TMEM165: variants seen among roughly 807,000 people sequenced by gnomAD.
TMEM165 encodes the protein putative divalent cation/proton antiporter TMEM165.
TMEM165 carries 19 observed loss-of-function variants against 30.0 expected under a neutral mutation model. The observed-to-expected ratio is 0.63, with a 90% CI of 0.44 to 0.93. The LOEUF is 0.93. Among genes scored for constraint, TMEM165 ranks in the 40% least tolerant of loss-of-function variants. TMEM165 has a pLI of 0.00. For synonymous variants in TMEM165, 168 were observed against 162.9 expected (o/e 1.03, Z -0.24); for missense variants, 340 against 417.0 (o/e 0.82, Z 1.61).
rs1170553669 is a variant in TMEM165 at position 55,404,044 on chromosome 4, CCTT to C, written c.208-7569_208-7567del. On this transcript the variant is annotated intron_variant, in intron 1 of 5. Transcript: ENST00000381334. Reference sequence around the variant, plus strand: ...TCCTTCCTTCCTTCCTTCTTTCTTTCCTTTTTTTTTTTTTTTTTGACAGTGTCT... The same window carrying C: ...TCCTTCCTTCCTTCCTTCTTTCTTTCTTTTTTTTTTTTTTTGACAGTGTCT... Among the ~76,000 whole-genome samples the C allele has an allele frequency of 4.3e-3, 458 of 106,856 alleles. 13 individuals carry two copies. The highest frequency in any genetic ancestry group is 7.5e-3 in the Middle Eastern group (1 of 134). 70.1% of individuals were successfully genotyped at this position (106,856 alleles called of 152,430 possible). A position where few individuals can be genotyped will look rare whatever the true frequency, so the allele number is the denominator to read the frequency against.
Position 55,403,266 on chromosome 4 carries a change from G to A in TMEM165, c.207+6870G>A. On this transcript the variant is annotated intron_variant, in intron 1 of 5. Coordinates refer to ENST00000381334, the MANE Select transcript of TMEM165 (RefSeq NM_018475.5). Reference sequence around the variant, plus strand: ...TCAGTTTTTTTCTTGGTAGCAAGCTGTAGATTTTGTTTCAAGGAAAGCATC... The same window carrying A: ...TCAGTTTTTTTCTTGGTAGCAAGCTATAGATTTTGTTTCAAGGAAAGCATC... 3 of 1,287,364 alleles carry A rather than the reference G, an allele frequency of 2.3e-6. No homozygotes were observed. In the South Asian group the frequency reaches 3.7e-5, roughly 16 times the overall value. 79.7% of individuals were successfully genotyped at this position (1,287,364 alleles called of 1,614,324 possible).
chr4:55,403,498 CT>C (rs71194555), intron 1 of TMEM165, among the ~76,000 whole-genome samples: 4,353 of 133,788 alleles, frequency 0.033, 106 homozygotes, highest in Middle Eastern at 0.089. Context: ...TTTTCTTTTT[CT>C]TTTTTTTTTT....
chr4:55,399,582 A>C (rs1720868618), intron 1 of TMEM165, among the ~76,000 whole-genome samples: 1 of 152,202 alleles, frequency 6.6e-6, no homozygotes, highest in Non-Finnish European at 1.5e-5. Context: ...GGAATTTTTA[A>C]GATAGAAATG....
At chr4:55,400,229 T>C (rs1258340858) in intron 1 of TMEM165, among the ~76,000 whole-genome samples, 1 of 41,316 alleles carries the variant, frequency 2.4e-5, no homozygotes, top group Non-Finnish European at 4.2e-5. Context: ...TATATTAATA[T>C]ATTAATGTAA....
chr4:55,401,855 G>A (rs372762803), intron 1 of TMEM165, among the ~76,000 whole-genome samples: 6 of 150,032 alleles, frequency 4.0e-5, no homozygotes, highest in African/African-American at 1.3e-4. Flanking sequence ...AGTGGCTCAC[G>A]CTTGTAATCC....
Position 55,448,607 on chromosome 4 carries a change from T to C in TMEM165, c.409-3632T>C, listed in dbSNP as rs980695596. 6.9e-3 allele frequency among the ~76,000 whole-genome samples: 334 copies of C among 48,504 alleles called. 2 individuals carry two copies. The highest frequency in any genetic ancestry group is 0.019 in the African/African-American group (115 of 6,086). 31.8% of individuals were successfully genotyped at this position (48,504 alleles called of 152,430 possible). A position where few individuals can be genotyped will look rare whatever the true frequency, so the allele number is the denominator to read the frequency against. On this transcript the variant is annotated intron_variant, in intron 3 of 3. Transcript: ENST00000608091. ...GTGCGCGCGCGCACGCGCGCGTGTG[T>C]GTGTGTGTGTGTGTGTGTGTGTGTG...
At chr4:55,399,688 A>G (rs1313592352) in intron 1 of TMEM165, among the ~76,000 whole-genome samples, 2 of 152,180 alleles carry the variant, frequency 1.3e-5, no homozygotes, top group Non-Finnish European at 2.9e-5. Context: ...TCCAGTAAAC[A>G]TATTAAATGG....
intron 3 of TMEM165, chr4:55,443,876 A>T: frequency 1.2e-6 from 2 of 1,612,894 alleles, no homozygotes; most frequent in Non-Finnish European, 1.7e-6. Flanking sequence ...TCAACCCAGG[A>T]TTTGATTGTT....
At chr4:55,414,269 CAAAAA>C (rs1227098345) in intron 2 of TMEM165, among the ~76,000 whole-genome samples, 1 of 92,440 alleles carries the variant, frequency 1.1e-5, no homozygotes. Flanking sequence ...GACTCCGTCT[CAAAAA>C]AAAAAAAAAG....
intron 3 of TMEM165, chr4:55,448,960 A>C: frequency 9.8e-7 from 1 of 1,024,534 alleles, no homozygotes; most frequent in South Asian, 1.3e-5. Flanking sequence ...TCGTATTAAT[A>C]AACTTACCAT....
At chr4:55,408,317 G>C (rs1721355519) in intron 1 of TMEM165, among the ~76,000 whole-genome samples, 1 of 152,142 alleles carries the variant, frequency 6.6e-6, no homozygotes, top group African/African-American at 2.4e-5. Context: ...TAATGATGGG[G>C]ATGTGTTCTG....
At chr4:55,442,608 G>A (rs1723462969) in intron 3 of TMEM165, 1 of 1,612,848 alleles carries the variant, frequency 6.2e-7, no homozygotes, top group Non-Finnish European at 8.5e-7. Context: ...TTTGCTGACT[G>A]TGCCCACTCA....
intron 4 of TMEM165, chr4:55,423,443 A>G (rs1384671633): frequency 6.6e-6 from 1 of 152,042 alleles, no homozygotes; most frequent in Admixed American, 6.6e-5. Flanking sequence ...ACTTTAAAAA[A>G]TTTTTGAGAT....
At chr4:55,424,669 A>C (rs951824269) in intron 5 of TMEM165, 26 bp downstream of exon 5, 1 of 1,400,670 alleles carries the variant, frequency 7.1e-7, no homozygotes, top group Non-Finnish European at 1.0e-6. Context: ...TACAAATCAG[A>C]TAACATTTTA....
intron 3 of TMEM165, chr4:55,448,756 C>A: frequency 1.3e-6 from 2 of 1,592,828 alleles, no homozygotes. Flanking sequence ...AAATACGCAA[C>A]TGAAACAAAA....
At chr4:55,427,608 G>A (rs1432370383), downstream of TMEM165, among the ~76,000 whole-genome samples, 3 of 152,110 alleles carry the variant, frequency 2.0e-5, no homozygotes, top group African/African-American at 7.2e-5. Flanking sequence ...GCCTCCCAAA[G>A]TGCTAGGATT....
intron 2 of TMEM165, among the ~76,000 whole-genome samples, chr4:55,413,429 C>T (rs1395355564): frequency 6.6e-6 from 1 of 152,210 alleles, no homozygotes; most frequent in Non-Finnish European, 1.5e-5. Flanking sequence ...ATTTTCCTGC[C>T]TCAGCCTCCC....
At chr4:55,421,306 T>C (rs1055530003) in intron 4 of TMEM165, among the ~76,000 whole-genome samples, 4 of 143,272 alleles carry the variant, frequency 2.8e-5, no homozygotes, top group Non-Finnish European at 4.6e-5. Flanking sequence ...TCTTTTTTTT[T>C]TTTTTTTTTT....
intron 3 of TMEM165, among the ~76,000 whole-genome samples, chr4:55,446,101 CTTTTTTTT>C (rs766235766): frequency 9.3e-6 from 1 of 107,372 alleles, no homozygotes; most frequent in East Asian, 3.5e-4. Context: ...AATTTAACTT[CTTTTTTTT>C]TTTTTTTTTT....
Sources: allele counts gnomAD v4.1 joint callset (sites outside exome capture counted in the v4.1 genomes callset), GRCh38; gene constraint gnomAD v4.1.1; transcripts MANE v1.5; gene names NCBI Gene and HGNC (gene_info 2026-07-23, HGNC 2026-07-21).